Variants in ITGB2 observed in about 807,000 individuals in gnomAD.
ITGB2 encodes the protein integrin subunit beta 2, also known as integrin beta-2.
In ITGB2, 56 loss-of-function variants were observed where a neutral mutation model predicts 86.8. That is an observed-to-expected ratio of 0.65 (90% CI 0.52 to 0.81). The LOEUF is 0.81. ITGB2 is among the 30% of genes least tolerant of loss of function. ITGB2 has a pLI of 0.00. For synonymous variants in ITGB2, 457 were observed against 450.4 expected, an observed-to-expected ratio of 1.01 and a Z score of -0.19; for missense variants, 948 against 1,061.2, an observed-to-expected ratio of 0.89 and a Z score of 1.48.
At position 44,889,457 on chromosome 21, in the gene ITGB2, G is replaced by A. The variant is rs1178204784; in HGVS notation, c.1696C>T (p.Pro566Ser). 26 of 1,594,654 alleles carry A rather than the reference G, an allele frequency of 1.6e-5. No homozygotes were observed. The Admixed American group carries it at 4.6e-4, about 28-fold the overall frequency. Residue 566 changes from proline to serine, a missense_variant, in exon 13 of 16, where the codon CCG becomes TCG. Physicochemically the swap from Pro to Ser is moderately conservative, Grantham distance 74. Transcript: ENST00000652462. ...LCFCGKCRCH[P>S]GFEGSACQCE... Reference sequence around the variant, plus strand: ...TGGCACGCTGAGCCCTCAAAGCCCGGGTGGCAGCGGCACTTCCCGCAGAAG... The same window carrying A: ...TGGCACGCTGAGCCCTCAAAGCCCGAGTGGCAGCGGCACTTCCCGCAGAAG...
chr21:44,888,099 C>T lies in ITGB2; in HGVS notation c.2080+594G>A, dbSNP rs189515592. Among the ~76,000 whole-genome samples, 5 of 150,026 alleles carry T rather than the reference C, an allele frequency of 3.3e-5. No homozygotes were observed. The East Asian group carries it at 1.1e-3, about 32-fold the overall frequency. ...GAGCTGAATGAGACAGGGTCAGTGC[C>T]ACCAAGGTCACTGTGGGGCTGGGAC... On this transcript the variant is annotated intron_variant, in intron 14 of 15. Transcript: ENST00000652462.
At chr21:44,926,880 T>A (rs1048481723) in intron 1 of ITGB2, 1 of 152,294 alleles carries the variant, frequency 6.6e-6, no homozygotes, top group Non-Finnish European at 1.5e-5. Context: ...CTGCGTGCTC[T>A]GAGGCTGCCC....
In ITGB2 at chr21:44,891,835, C is replaced by T. The variant is rs772022480; in HGVS notation, c.1386G>A (p.Lys462=). Residue 462 remains lysine (K), a synonymous_variant, in exon 11 of 16, where the codon AAG becomes AAA. Coordinates refer to ENST00000652462, the MANE Select transcript of ITGB2 (RefSeq NM_000211.5). Reference sequence around the variant, plus strand: ...TGCAGATGCCGCACTCCAAGAAGCCCTTGCCATGGCAGAGGCTGCGGTCTC... The same window carrying T: ...TGCAGATGCCGCACTCCAAGAAGCCTTTGCCATGGCAGAGGCTGCGGTCTC... The part of the protein sequence containing the change: ...QSRDRSLCHG[K]GFLECGICRC... The T allele has an allele frequency of 6.2e-7, 1 of 1,609,154 alleles. No homozygotes were observed. Among genetic ancestry groups the T allele is most frequent in the East Asian group, 2.2e-5 (1 of 44,888 alleles).
At chr21:44,925,515 T>C (rs2084362309), upstream of ITGB2, among the ~76,000 whole-genome samples, 1 of 151,872 alleles carries the variant, frequency 6.6e-6, no homozygotes, top group Non-Finnish European at 1.5e-5. Context: ...TGAACTCACA[T>C]GAGAACCACA....
At chr21:44,899,792 C>T (rs1051562783) in intron 7 of ITGB2, among the ~76,000 whole-genome samples, 1 of 152,244 alleles carries the variant, frequency 6.6e-6, no homozygotes, top group African/African-American at 2.4e-5. Flanking sequence ...GCATCCTGGG[C>T]TCCTTCTCGC....
chr21:44,924,922 C>G (rs576110934), upstream of ITGB2, among the ~76,000 whole-genome samples: 123 of 152,300 alleles, frequency 8.1e-4, 1 homozygote, highest in Non-Finnish European at 1.5e-3. Flanking sequence ...TAGAGCAGGA[C>G]AGTGGTTACC....
chr21:44,910,335 G>C lies in ITGB2; in HGVS notation c.96C>G (p.Ser32Arg). 6.2e-7 allele frequency: 1 copy of C among 1,614,186 alleles called. No individual in the cohort carries two copies. The highest frequency in any genetic ancestry group is 8.5e-7 in the Non-Finnish European group (1 of 1,180,018). ...GCCCCGACTCGATGCATTCCCGGCA[G>C]CTGCTGACCTTGAACTTCGTGCACT... ...SQECTKFKVS[S>R]CRECIESGPG... Residue 32 changes from serine to arginine, a missense_variant, in exon 3 of 16, where the codon AGC becomes AGG. Ser to Arg is a moderately radical substitution (Grantham distance 110). Transcript: ENST00000652462.
At position 44,907,484 on chromosome 21, in the gene ITGB2, G is replaced by A. The variant is rs1297097187; in HGVS notation, c.148-389C>T. On this transcript the variant is annotated intron_variant, in intron 3 of 15. Transcript: ENST00000652462. ...GGGAGTTGCTGTGTCCCAAAGGAAC[G>A]TGGCAGTCCCTAGGCCCCCAAGAAA... Among the ~76,000 whole-genome samples the A allele has an allele frequency of 2.6e-5, 4 of 152,362 alleles. No homozygotes were observed. In the South Asian group the frequency reaches 6.2e-4, roughly 24 times the overall value.
intron 4 of ITGB2, among the ~76,000 whole-genome samples, 165 bp from the exon 5 acceptor site, chr21:44,903,700 C>T (rs2084000589): frequency 6.6e-6 from 1 of 152,184 alleles, no homozygotes; most frequent in African/African-American, 2.4e-5. Context: ...GGACCAGACA[C>T]AGGACATCCA....
intron 1 of ITGB2, among the ~76,000 whole-genome samples, chr21:44,927,471 G>A (rs116013771): frequency 0.028 from 4,215 of 152,124 alleles, 194 homozygotes; most frequent in African/African-American, 0.096. Context: ...GGGGCCACCC[G>A]GGAACCGCTG....
intron 1 of ITGB2, among the ~76,000 whole-genome samples, chr21:44,916,955 A>G (rs1476631990): frequency 2.0e-5 from 3 of 152,212 alleles, no homozygotes; most frequent in Non-Finnish European, 4.4e-5. Context: ...AATTGCATAG[A>G]GGAAATAGCT....
intron 7 of ITGB2, 113 bp from the exon 8 acceptor site, chr21:44,899,275 T>A (rs1297530965): frequency 1.3e-6 from 1 of 795,668 alleles, no homozygotes; most frequent in Non-Finnish European, 2.1e-6. Context: ...GAACCCTCTC[T>A]GGGGAAGGCT....
chr21:44,895,606 C>T (rs1322681131), intron 8 of ITGB2, among the ~76,000 whole-genome samples: 1 of 151,722 alleles, frequency 6.6e-6, no homozygotes, highest in African/African-American at 2.4e-5. Context: ...CTTTGGGAGG[C>T]CAAAGTGGGT....
intron 15 of ITGB2, 66 bp downstream of exon 15, chr21:44,886,670 C>T: frequency 1.2e-6 from 2 of 1,605,020 alleles, no homozygotes; most frequent in Non-Finnish European, 1.7e-6. Flanking sequence ...CCTCCCGCAG[C>T]AGGAGGTCGC....
At chr21:44,925,753 C>T (rs554008007), upstream of ITGB2, among the ~76,000 whole-genome samples, 1 of 152,184 alleles carries the variant, frequency 6.6e-6, no homozygotes, top group African/African-American at 2.4e-5. Flanking sequence ...CGAGATAATC[C>T]CAATGCTGAA....
intron 1 of ITGB2, among the ~76,000 whole-genome samples, chr21:44,920,232 A>C (rs2084281347): frequency 6.6e-6 from 1 of 152,012 alleles, no homozygotes; most frequent in Admixed American, 6.5e-5. Context: ...CTCGCACACC[A>C]TACATGCACA....
At chr21:44,918,765 C>T (rs986966696) in intron 1 of ITGB2, among the ~76,000 whole-genome samples, 3 of 152,200 alleles carry the variant, frequency 2.0e-5, no homozygotes, top group African/African-American at 7.2e-5. Flanking sequence ...GCAGGGGTTA[C>T]CACCCTGTGG....
chr21:44,928,165 T>C (rs2084399698), intron 1 of ITGB2: 1 of 152,140 alleles, frequency 6.6e-6, no homozygotes, highest in South Asian at 2.1e-4. Flanking sequence ...AAGGAAGATT[T>C]CACAGCCCCT....
intron 1 of ITGB2, among the ~76,000 whole-genome samples, chr21:44,919,521 C>T (rs572183299): frequency 7.9e-5 from 12 of 152,294 alleles, no homozygotes; most frequent in South Asian, 2.1e-4. Flanking sequence ...CATGGTGAAA[C>T]GCTGGGGTGA....
Sources: allele counts gnomAD v4.1 joint callset (sites outside exome capture counted in the v4.1 genomes callset), GRCh38; gene constraint gnomAD v4.1.1; transcripts MANE v1.5; gene names NCBI Gene and HGNC (gene_info 2026-07-23, HGNC 2026-07-21).